OSBP2: variants seen among roughly 807,000 people sequenced by gnomAD.
The protein encoded by OSBP2 is oxysterol-binding protein 2.
In OSBP2, 66 loss-of-function variants were observed where a neutral mutation model predicts 96.0. The ratio of observed to expected loss-of-function variants is 0.69; its 90% CI spans 0.56 to 0.84. The LOEUF is 0.84. OSBP2 is among the 40% of genes least tolerant of loss of function. The pLI, the probability that OSBP2 is intolerant of heterozygous loss-of-function variation, is 0.00. For missense variants in OSBP2, 1,038 were observed against 1,222.7 expected, an observed-to-expected ratio of 0.85 and a Z score of 2.25; for synonymous variants, 525 against 520.9, an observed-to-expected ratio of 1.01 and a Z score of -0.11.
intron 2 of OSBP2, among the ~76,000 whole-genome samples, chr22:30,751,720 C>A (rs922971094): frequency 6.6e-6 from 1 of 152,148 alleles, no homozygotes; most frequent in African/African-American, 2.4e-5. Context: ...ATCATCCGCC[C>A]ACAGCCGGTG....
rs1399694984 is a variant in OSBP2, at chr22:30,870,754, CAGGGTCAGCTTGA to C, written c.1107+82_1107+94del. 1.3e-6 allele frequency: 2 copies of C among 1,522,982 alleles called. No homozygotes were observed. The highest frequency in any genetic ancestry group is 1.4e-5 in the African/African-American group (1 of 73,256). 94.3% of individuals were successfully genotyped at this position (1,522,982 alleles called of 1,614,324 possible). ...GCCCCGGGGTCCCTCGGTGGGTGAC[CAGGGTCAGCTTGA>C]AGGGTCAGCGTTCCATTTCCTGCGG... is the stretch of plus-strand genomic sequence containing the variant. On this transcript the variant is annotated intron_variant, in intron 3 of 13. Coordinates refer to ENST00000332585, the MANE Select transcript of OSBP2 (RefSeq NM_030758.4). The surrounding 1 kb of genome is among the most constrained non-coding windows in gnomAD (Gnocchi z 4.1).
intron 12 of OSBP2, among the ~76,000 whole-genome samples, chr22:30,896,487 CATTT>C (rs1247314770): frequency 3.3e-5 from 5 of 152,014 alleles, no homozygotes; most frequent in Non-Finnish European, 5.9e-5. Flanking sequence ...AAGGAAGAAA[CATTT>C]ATAAGACTGT....
Position 30,881,251 on chromosome 22 carries a change from T to C in OSBP2, c.1108-6175T>C, listed in dbSNP as rs550734224. Among the ~76,000 whole-genome samples the C allele has an allele frequency of 9.8e-5, 15 of 152,324 alleles. No individual in the cohort carries two copies. Among genetic ancestry groups the C allele is most frequent in the African/African-American group, 3.6e-4 (15 of 41,570 alleles). ...GGGCAGGGCCAGGACACTGGAACTC[T>C]GTCCCCACGCTGAGGACAATCAACC... is the stretch of plus-strand genomic sequence containing the variant. On this transcript the variant is annotated intron_variant, in intron 3 of 13. Coordinates refer to ENST00000332585, the MANE Select transcript of OSBP2 (RefSeq NM_030758.4). The surrounding 1 kb of genome is among the most constrained non-coding windows in gnomAD (Gnocchi z 4.5).
intron 2 of OSBP2, among the ~76,000 whole-genome samples, chr22:30,854,561 A>C (rs915813700): frequency 1.3e-5 from 2 of 151,168 alleles, no homozygotes; most frequent in Admixed American, 6.6e-5. Context: ...CACCCGCCTC[A>C]GCCTCCCAAA....
intron 2 of OSBP2, among the ~76,000 whole-genome samples, chr22:30,785,585 A>G (rs2090577303): frequency 2.1e-5 from 1 of 48,386 alleles, no homozygotes; most frequent in African/African-American, 1.8e-4. Context: ...AAAAAAAAAC[A>G]GGCTTAATCT....
chr22:30,811,227 G>T (rs2091002123), intron 2 of OSBP2, among the ~76,000 whole-genome samples: 1 of 147,984 alleles, frequency 6.8e-6, no homozygotes, highest in African/African-American at 2.5e-5. Flanking sequence ...TCAAGAGCTT[G>T]CTTTTTTCCT....
intron 2 of OSBP2, among the ~76,000 whole-genome samples, chr22:30,863,771 T>G (rs1480884059): frequency 2.0e-5 from 3 of 152,214 alleles, no homozygotes; most frequent in Admixed American, 6.5e-5. Context: ...CGAATCCTGC[T>G]GGTGACTGAC....
At chr22:30,791,723 G>A (rs1029042710) in intron 2 of OSBP2, among the ~76,000 whole-genome samples, 7 of 152,094 alleles carry the variant, frequency 4.6e-5, no homozygotes, top group South Asian at 2.1e-4. Flanking sequence ...TCTGCTTTGC[G>A]GATAGAGAAA....
At chr22:30,838,917 T>C (rs2038689142) in intron 2 of OSBP2, among the ~76,000 whole-genome samples, 1 of 151,384 alleles carries the variant, frequency 6.6e-6, no homozygotes, top group South Asian at 2.1e-4. Flanking sequence ...ACATGTGGCA[T>C]GCTGGTGTGC....
chr22:30,868,641 T>C (rs1260284351), intron 2 of OSBP2, among the ~76,000 whole-genome samples: 2 of 152,196 alleles, frequency 1.3e-5, no homozygotes, highest in East Asian at 3.9e-4. Flanking sequence ...TAACAAGTTA[T>C]TGTCATTTGG....
chr22:30,724,936 G>A (rs2089616503), intron 1 of OSBP2, among the ~76,000 whole-genome samples: 1 of 152,074 alleles, frequency 6.6e-6, no homozygotes, highest in African/African-American at 2.4e-5. Flanking sequence ...CACTTTGGGA[G>A]GCCGAGGCGG....
intron 2 of OSBP2, among the ~76,000 whole-genome samples, chr22:30,791,978 C>T (rs1389766773): frequency 6.6e-6 from 1 of 151,966 alleles, no homozygotes; most frequent in African/African-American, 2.4e-5. Flanking sequence ...ATATCATAAT[C>T]AAAACAGGAA....
rs12106514 is a variant in OSBP2 at position 30,749,541 on chromosome 22, A to C, written c.853+8172A>C. ...GCCGGAGAAAGGAAGACCAGGCAGA[A>C]CCTGCTTGAATTGAAAGTTTGAAGA... On this transcript the variant is annotated intron_variant, in intron 2 of 13. Transcript: ENST00000332585. 6.6e-3 allele frequency among the ~76,000 whole-genome samples: 1,009 copies of C among 152,282 alleles called. 10 individuals carry two copies. Among genetic ancestry groups the C allele is most frequent in the African/African-American group, 0.023 (956 of 41,562 alleles).
intron 2 of OSBP2, among the ~76,000 whole-genome samples, chr22:30,819,290 A>G (rs928341954): frequency 2.4e-4 from 37 of 152,194 alleles, no homozygotes; most frequent in Non-Finnish European, 2.9e-5. Context: ...AGCAGAGATC[A>G]TGCCACTGGA....
chr22:30,697,439 C>T (rs778814316), intron 1 of OSBP2, among the ~76,000 whole-genome samples: 9 of 152,148 alleles, frequency 5.9e-5, no homozygotes, highest in Non-Finnish European at 8.8e-5. Context: ...CCACCACACA[C>T]GGTTAATTTT....
At chr22:30,745,591 G>A (rs2089989195) in intron 2 of OSBP2, among the ~76,000 whole-genome samples, 1 of 150,910 alleles carries the variant, frequency 6.6e-6, no homozygotes, top group Non-Finnish European at 1.5e-5. Context: ...CACTTGAACC[G>A]GGGAGGCAGA....
intron 1 of OSBP2, among the ~76,000 whole-genome samples, chr22:30,730,758 CTCTCTCTCTCTCTCTCTATATATA>C (rs2089746527): frequency 2.3e-5 from 1 of 42,922 alleles, no homozygotes; most frequent in African/African-American, 9.0e-5. Context: ...CTCTCTCTCT[CTCTCTCTCTCTCTCTCTATATATA>C]TATATATATA....
At chr22:30,709,196 A>G (rs1014573280) in intron 1 of OSBP2, among the ~76,000 whole-genome samples, 18 of 152,206 alleles carry the variant, frequency 1.2e-4, no homozygotes, top group African/African-American at 4.3e-4. Context: ...ATTCCTTATC[A>G]TCAGCTATCC....
chr22:30,771,086 C>T (rs181367066), intron 2 of OSBP2, among the ~76,000 whole-genome samples: 29 of 152,378 alleles, frequency 1.9e-4, no homozygotes, highest in East Asian at 1.2e-3. Context: ...ATCCTGTCCC[C>T]GTTGCTGGCT....
Sources: gnomAD v4.1 joint callset for allele counts (sites outside exome capture counted in the v4.1 genomes callset) on GRCh38, gnomAD v4.1.1 for gene constraint, Gnocchi (gnomAD v3.1) non-coding constraint, MANE v1.5 for transcripts, NCBI Gene and HGNC (gene_info 2026-07-23, HGNC 2026-07-21) for gene names.